GRM5: variants seen among roughly 807,000 people sequenced by gnomAD.
GRM5 encodes the protein glutamate metabotropic receptor 5.
Under a neutral mutation model 83.1 loss-of-function variants are expected in GRM5, and 19 were observed. The observed-to-expected ratio is 0.23, with a 90% CI of 0.16 to 0.34. GRM5 has a LOEUF of 0.34. Among genes scored for constraint, GRM5 ranks in the 10% least tolerant of loss-of-function variants. The probability of loss-of-function intolerance (pLI) is 1.00; values close to 1 mark genes in which losing one functional copy is unlikely to be tolerated. For synonymous variants in GRM5, 675 were observed against 633.6 expected, an observed-to-expected ratio of 1.07 and a Z score of -0.98; for missense variants, 1,160 against 1,588.3, an observed-to-expected ratio of 0.73 and a Z score of 4.58.
chr11:88,724,953 T>A lies in GRM5; in HGVS notation c.912-71550A>T, dbSNP rs555584949. Reference sequence around the variant, plus strand: ...GTGCCTATGCCACCAGGGTTTTGGGTTTCAAGCACAAAACTGGGTGGCCAT... The same window carrying A: ...GTGCCTATGCCACCAGGGTTTTGGGATTCAAGCACAAAACTGGGTGGCCAT... On this transcript the variant is annotated intron_variant, in intron 3 of 9. Transcript: ENST00000305447. Among the ~76,000 whole-genome samples, 10 of 151,880 alleles carry A rather than the reference T, an allele frequency of 6.6e-5. No homozygotes were observed. The South Asian group carries it at 2.1e-3, about 32-fold the overall frequency.
intron 2 of GRM5, among the ~76,000 whole-genome samples, chr11:88,911,189 C>G (rs1306646206): frequency 6.6e-6 from 1 of 152,026 alleles, no homozygotes; most frequent in African/African-American, 2.4e-5. Context: ...AGGGACTAGT[C>G]CCCACTGTAT....
At chr11:88,723,859 A>T (rs56911062) in intron 3 of GRM5, among the ~76,000 whole-genome samples, 4,833 of 152,026 alleles carry the variant, frequency 0.032, 253 homozygotes, top group African/African-American at 0.11. Context: ...TTATTTATTT[A>T]TTCCTTACTT....
At position 88,756,645 on chromosome 11, in the gene GRM5, T is replaced by C. The variant is rs562283364; in HGVS notation, c.911+93261A>G. On this transcript the variant is annotated intron_variant, in intron 3 of 9. Transcript: ENST00000305447. ...AAACTATAAATTATAAACTATAACT[T>C]TGTTGTATAAACTATAAACTATAAA... Among the ~76,000 whole-genome samples the C allele has an allele frequency of 2.0e-5, 3 of 152,174 alleles. No homozygotes were observed. The East Asian group carries it at 5.8e-4, about 29-fold the overall frequency.
intron 3 of GRM5, among the ~76,000 whole-genome samples, chr11:88,725,684 G>A (rs1941662769): frequency 1.3e-5 from 2 of 152,136 alleles, no homozygotes; most frequent in South Asian, 2.1e-4. Flanking sequence ...GCTTCCAGAG[G>A]AGGAAACAGG....
At chr11:88,845,321 C>CTT (rs1555026149) in intron 3 of GRM5, among the ~76,000 whole-genome samples, 3,817 of 142,412 alleles carry the variant, frequency 0.027, 168 homozygotes, top group African/African-American at 0.091. Context: ...TGATCACTTG[C>CTT]TTTTTTTTTT....
chr11:88,656,793 TA>T (rs1446726420), intron 3 of GRM5, among the ~76,000 whole-genome samples: 1 of 151,958 alleles, frequency 6.6e-6, no homozygotes, highest in Non-Finnish European at 1.5e-5. Flanking sequence ...ATAATACAAA[TA>T]AAAAACAAGA....
intron 3 of GRM5, among the ~76,000 whole-genome samples, chr11:88,668,295 TCGCACACACACACA>T (rs1369153600): frequency 9.5e-4 from 78 of 81,758 alleles, no homozygotes; most frequent in African/African-American, 4.5e-3. Context: ...CCCCAGAAAC[TCGCACACACACACA>T]CACACACACA....
chr11:88,857,202 T>C (rs1272914182), intron 2 of GRM5, among the ~76,000 whole-genome samples: 1 of 152,106 alleles, frequency 6.6e-6, no homozygotes, highest in East Asian at 1.9e-4. Context: ...CACCAATTTA[T>C]ACTTTGATTA....
intron 3 of GRM5, among the ~76,000 whole-genome samples, chr11:88,662,217 GA>G (rs1002215051): frequency 2.0e-5 from 3 of 152,124 alleles, no homozygotes; most frequent in African/African-American, 7.2e-5. Context: ...CCTTATAACT[GA>G]GGAAATCTGA....
chr11:88,950,095 C>T (rs190395705), intron 2 of GRM5, among the ~76,000 whole-genome samples: 53 of 150,290 alleles, frequency 3.5e-4, no homozygotes, highest in Admixed American at 2.8e-3. Context: ...AGGATGGTCT[C>T]GATCTCCTGA....
chr11:88,708,723 T>G (rs1941216105), intron 3 of GRM5, among the ~76,000 whole-genome samples: 1 of 152,100 alleles, frequency 6.6e-6, no homozygotes, highest in Non-Finnish European at 1.5e-5. Flanking sequence ...AAAATTAGCT[T>G]TTTCTATATC....
chr11:88,894,601 G>A (rs1228382164), intron 2 of GRM5, among the ~76,000 whole-genome samples: 2 of 151,898 alleles, frequency 1.3e-5, no homozygotes, highest in Non-Finnish European at 2.9e-5. Context: ...CTTTTTTCTG[G>A]CTGTGTGCTT....
chr11:89,001,003 C>A (rs1466140468), intron 2 of GRM5, among the ~76,000 whole-genome samples: 4 of 150,868 alleles, frequency 2.7e-5, no homozygotes, highest in Non-Finnish European at 5.9e-5. Context: ...AGTGAGATAG[C>A]ACTATACCCT....
intron 1 of GRM5, among the ~76,000 whole-genome samples, chr11:89,055,673 TTTTA>T (rs1187230765): frequency 1.3e-5 from 2 of 151,804 alleles, no homozygotes; most frequent in Non-Finnish European, 2.9e-5. Flanking sequence ...GCTTATAATA[TTTTA>T]TTTTTTATTT....
intron 2 of GRM5, among the ~76,000 whole-genome samples, chr11:89,040,149 A>T (rs1478152462): frequency 6.6e-6 from 1 of 152,168 alleles, no homozygotes. Flanking sequence ...ATAAAAAAAA[A>T]AGATGCAAGG....
In GRM5 at chr11:88,508,769, C is replaced by A; in HGVS notation, c.3462G>T (p.Lys1154Asn). The A allele has an allele frequency of 6.7e-7, 1 of 1,492,812 alleles. No individual in the cohort carries two copies. The highest frequency in any genetic ancestry group is 8.9e-7 in the Non-Finnish European group (1 of 1,128,438). The allele number at this position is 1,492,812 out of a possible 1,614,324, so 92.5% of individuals were successfully genotyped here. A position where few individuals can be genotyped will look rare whatever the true frequency, so the allele number is the denominator to read the frequency against. ...PAAGPEAAAA[K>N]PDLEELVALT... is the part of the protein sequence containing the mutation. Reference sequence around the variant, plus strand: ...GAGCCACCAGCTCCTCCAGGTCTGGCTTGGCGGCCGCAGCCTCGGGACCGG... The same window carrying A: ...GAGCCACCAGCTCCTCCAGGTCTGGATTGGCGGCCGCAGCCTCGGGACCGG... The change falls in exon 10 of 10, where the codon AAG (lysine) becomes AAT (asparagine). Residue 1154 changes from lysine to asparagine, a missense_variant. Around this residue, in one of 9 missense-constraint regions of GRM5, gnomAD observed 562 missense variants for 532.4 expected, o/e 1.06. Transcript: ENST00000305447. This position sits in a 1 kb window ranked among gnomAD's most constrained non-coding sequence, Gnocchi z 4.2.
intron 2 of GRM5, among the ~76,000 whole-genome samples, chr11:89,024,334 T>C (rs556785771): frequency 1.3e-5 from 2 of 152,360 alleles, no homozygotes; most frequent in African/African-American, 4.8e-5. Flanking sequence ...CCAGAGATAC[T>C]GAGGAGACTA....
chr11:88,802,374 A>G (rs80196456), intron 3 of GRM5, among the ~76,000 whole-genome samples: 5,276 of 152,256 alleles, frequency 0.035, 255 homozygotes, highest in Admixed American at 0.15. Context: ...AAAGAATAAA[A>G]TCATGTCTTT....
At chr11:88,833,578 A>G (rs1280819591) in intron 3 of GRM5, among the ~76,000 whole-genome samples, 1 of 152,236 alleles carries the variant, frequency 6.6e-6, no homozygotes, top group Non-Finnish European at 1.5e-5. Flanking sequence ...CAAAAAAGAA[A>G]AAATAAAACT....
Sources: gnomAD v4.1 joint callset for allele counts (sites outside exome capture counted in the v4.1 genomes callset) on GRCh38, gnomAD v4.1.1 for gene constraint, gnomAD v4.1.1 regional missense constraint, Gnocchi (gnomAD v3.1) non-coding constraint, MANE v1.5 for transcripts, NCBI Gene and HGNC (gene_info 2026-07-23, HGNC 2026-07-21) for gene names.